NUFIP1: variants seen among roughly 807,000 people sequenced by gnomAD.
NUFIP1 encodes the protein FMR1-interacting protein NUFIP1.
A neutral mutation model predicts 56.2 loss-of-function variants in NUFIP1; 38 were observed. That is an observed-to-expected ratio of 0.68 (90% confidence interval 0.52 to 0.89). The LOEUF (loss-of-function observed/expected upper bound fraction) is 0.89, where lower values mean the gene tolerates loss of function less well. Among genes scored for constraint, NUFIP1 ranks in the 40% least tolerant of loss-of-function variants. The probability of loss-of-function intolerance (pLI) is 0.00; values close to 1 mark genes in which losing one functional copy is unlikely to be tolerated. For missense variants in NUFIP1, 567 were observed against 605.8 expected, an observed-to-expected ratio of 0.94 and a Z score of 0.67; for synonymous variants, 215 against 212.4, an observed-to-expected ratio of 1.01 and a Z score of -0.10.
intron 8 of NUFIP1, among the ~76,000 whole-genome samples, chr13:44,944,987 T>C (rs571779434): frequency 4.7e-4 from 72 of 152,188 alleles, no homozygotes; most frequent in African/African-American, 1.6e-3. Context: ...ATGCTTCTAC[T>C]GTAATGTGTA....
chr13:44,948,046 G>A (rs902557664), intron 8 of NUFIP1, among the ~76,000 whole-genome samples: 2 of 151,792 alleles, frequency 1.3e-5, no homozygotes, highest in Non-Finnish European at 2.9e-5. Flanking sequence ...AAAGCCTAAC[G>A]GCTCCTTATT....
chr13:44,946,373 A>G (rs958579979), intron 8 of NUFIP1, among the ~76,000 whole-genome samples: 1 of 152,116 alleles, frequency 6.6e-6, no homozygotes, highest in Non-Finnish European at 1.5e-5. Context: ...AATAGTCTTT[A>G]ATTTGGAAAT....
At chr13:44,941,452 T>C in intron 9 of NUFIP1, 130 bp from the exon 10 acceptor site, 1 of 549,980 alleles carries the variant, frequency 1.8e-6, no homozygotes. Context: ...ATATTCACTA[T>C]TTTGCTAAAA....
chr13:44,963,842 T>C (rs1197434502), intron 6 of NUFIP1, among the ~76,000 whole-genome samples: 1 of 152,238 alleles, frequency 6.6e-6, no homozygotes, highest in African/African-American at 2.4e-5. Flanking sequence ...AGCTATGTTC[T>C]AGACACATAC....
chr13:44,978,784 G>A (rs1299507757), intron 5 of NUFIP1, among the ~76,000 whole-genome samples: 1 of 152,126 alleles, frequency 6.6e-6, no homozygotes, highest in Non-Finnish European at 1.5e-5. Flanking sequence ...TGAGCAGCAG[G>A]TTACATTTGT....
At chr13:44,962,287 A>G (rs182591644) in intron 6 of NUFIP1, among the ~76,000 whole-genome samples, 18 of 152,362 alleles carry the variant, frequency 1.2e-4, no homozygotes, top group African/African-American at 3.6e-4. Context: ...GTTTAAAAGG[A>G]ATAGGTTGTT....
intron 7 of NUFIP1, among the ~76,000 whole-genome samples, chr13:44,951,547 A>G (rs1381345150): frequency 4.6e-5 from 7 of 152,226 alleles, no homozygotes; most frequent in Non-Finnish European, 1.0e-4. Context: ...AAGTGTCTTT[A>G]TGGTCCACAA....
chr13:44,970,864 T>C lies in NUFIP1; in HGVS notation c.735-4928A>G, dbSNP rs879341990. Among the ~76,000 whole-genome samples, 17 of 152,044 alleles carry C rather than the reference T, an allele frequency of 1.1e-4. 1 individual carries two copies. The highest frequency in any genetic ancestry group is 1.0e-3 in the South Asian group (5 of 4,810). Reference sequence around the variant, plus strand: ...TAATTTTTTTTATTTTTAGTAGAGATAGGGTTTCGCCATGTTGGCCAGGCT... The same window carrying C: ...TAATTTTTTTTATTTTTAGTAGAGACAGGGTTTCGCCATGTTGGCCAGGCT... On this transcript the variant is annotated intron_variant, in intron 5 of 9. Coordinates refer to ENST00000379161, the MANE Select transcript of NUFIP1 (RefSeq NM_012345.3).
intron 5 of NUFIP1, among the ~76,000 whole-genome samples, chr13:44,970,983 G>A (rs1371082931): frequency 6.6e-6 from 1 of 151,974 alleles, no homozygotes; most frequent in African/African-American, 2.4e-5. Flanking sequence ...GCCCATAATA[G>A]GTTTTTAAAA....
rs751677869 is a variant in NUFIP1, at chr13:44,959,561, T to A, written c.841A>T (p.Met281Leu). Residue 281 changes from methionine (M) to leucine (L), a missense_variant, in exon 7 of 10, where the codon ATG becomes TTG. Physicochemically the swap from Met to Leu is conservative, Grantham distance 15. Transcript: ENST00000379161. ...TTTQYGKMKGMSRHSQMAKIR... is the reference protein window; with the variant it reads ...TTTQYGKMKGLSRHSQMAKIR... Reference sequence around the variant, plus strand: ...TTTGCCATTTGTGAATGTCTGGACATCCCCTTCATCTTGCTGGAGTAAGAA... The same window carrying A: ...TTTGCCATTTGTGAATGTCTGGACAACCCCTTCATCTTGCTGGAGTAAGAA... The A allele has an allele frequency of 6.8e-6, 11 of 1,607,294 alleles. No individual in the cohort carries two copies. Among genetic ancestry groups the A allele is most frequent in the Non-Finnish European group, 9.3e-6 (11 of 1,177,826 alleles).
intron 6 of NUFIP1, among the ~76,000 whole-genome samples, chr13:44,959,999 T>C (rs1161781088): frequency 6.6e-6 from 1 of 151,848 alleles, no homozygotes; most frequent in Non-Finnish European, 1.5e-5. Context: ...TAGCATGATC[T>C]TGGCTCACTG....
intron 5 of NUFIP1, among the ~76,000 whole-genome samples, chr13:44,971,709 A>G (rs963382290): frequency 6.6e-5 from 10 of 152,148 alleles, no homozygotes; most frequent in African/African-American, 2.4e-4. Context: ...AAACAAAGCT[A>G]CTGTTTTCCC....
At chr13:44,966,556 C>T (rs898920396) in intron 5 of NUFIP1, among the ~76,000 whole-genome samples, 2 of 151,922 alleles carry the variant, frequency 1.3e-5, no homozygotes, top group African/African-American at 4.8e-5. Context: ...CTCAGGTGAC[C>T]CACCTGCCTC....
chr13:44,958,591 A>C (rs1005486978), intron 7 of NUFIP1, among the ~76,000 whole-genome samples: 1 of 152,200 alleles, frequency 6.6e-6, no homozygotes, highest in African/African-American at 2.4e-5. Context: ...TTATCATAGA[A>C]GCCAACATCA....
At chr13:44,945,531 A>C (rs1870877255) in intron 8 of NUFIP1, among the ~76,000 whole-genome samples, 1 of 152,078 alleles carries the variant, frequency 6.6e-6, no homozygotes, top group South Asian at 2.1e-4. Context: ...AGAAAACCAT[A>C]GACTAATATC....
intron 8 of NUFIP1, among the ~76,000 whole-genome samples, chr13:44,944,011 T>C (rs1870835128): frequency 6.6e-6 from 1 of 152,146 alleles, no homozygotes; most frequent in Admixed American, 6.6e-5. Flanking sequence ...AAAGACTTTT[T>C]TTCCTCATTG....
At chr13:44,954,356 A>AAAATCTAAT (rs1871161816) in intron 7 of NUFIP1, among the ~76,000 whole-genome samples, 1 of 152,110 alleles carries the variant, frequency 6.6e-6, no homozygotes, top group Admixed American at 6.6e-5. Context: ...CCCCCCTAAA[A>AAAATCTAAT]AAATCTAATG....
intron 7 of NUFIP1, among the ~76,000 whole-genome samples, chr13:44,956,659 T>A (rs1871254861): frequency 6.6e-6 from 1 of 152,092 alleles, no homozygotes; most frequent in Admixed American, 6.6e-5. Context: ...CGTGCACAGT[T>A]CACAATAGGG....
chr13:44,943,542 T>C lies in NUFIP1; in HGVS notation c.1271A>G (p.Lys424Arg), dbSNP rs1870816895. Reference protein sequence around the residue: ...NFSEAKSENRKKSFEKTNPKR... With the variant: ...NFSEAKSENRRKSFEKTNPKR... ...AGGGTTTGTTTTTTCAAAGCTTTTCTTTCGGTTCTCACTCTTGGCTTCTGA... is the reference window on the plus strand; with the variant it reads ...AGGGTTTGTTTTTTCAAAGCTTTTCCTTCGGTTCTCACTCTTGGCTTCTGA... Residue 424 changes from lysine to arginine, a missense_variant, in exon 9 of 10, where the codon AAG becomes AGG. Transcript: ENST00000379161. 2 of 1,614,090 alleles carry C rather than the reference T, an allele frequency of 1.2e-6. No homozygotes were observed. Among genetic ancestry groups the C allele is most frequent in the African/African-American group, 2.7e-5 (2 of 74,950 alleles).
Sources: gnomAD v4.1 joint callset for allele counts (sites outside exome capture counted in the v4.1 genomes callset) on GRCh38, gnomAD v4.1.1 for gene constraint, MANE v1.5 for transcripts, NCBI Gene and HGNC (gene_info 2026-07-23, HGNC 2026-07-21) for gene names.